The following PDE1C variants were observed in gnomAD, a reference collection of about 807,000 sequenced individuals.
The protein encoded by PDE1C is dual specificity calcium/calmodulin-dependent 3',5'-cyclic nucleotide phosphodiesterase 1C.
A neutral mutation model predicts 93.1 loss-of-function variants in PDE1C; 62 were observed. That is an observed-to-expected ratio of 0.67 (90% confidence interval 0.54 to 0.82). PDE1C has a LOEUF of 0.82. Ranked by LOEUF, PDE1C falls within the 40% of genes least tolerant of loss-of-function variation. The probability of loss-of-function intolerance (pLI) is 0.00; values close to 1 mark genes in which losing one functional copy is unlikely to be tolerated. For synonymous variants in PDE1C, 325 were observed against 310.1 expected (o/e 1.05, Z -0.50); for missense variants, 742 against 884.6 (o/e 0.84, Z 2.04).
chr7:31,968,282 T>C (rs1810348623), intron 2 of PDE1C, among the ~76,000 whole-genome samples: 1 of 152,126 alleles, frequency 6.6e-6, no homozygotes, highest in African/African-American at 2.4e-5. Context: ...AAAATCAATG[T>C]GCAAAAATCA....
intron 3 of PDE1C, among the ~76,000 whole-genome samples, chr7:32,101,078 T>C (rs751061552): frequency 1.3e-5 from 2 of 152,198 alleles, no homozygotes; most frequent in African/African-American, 2.4e-5. Flanking sequence ...CAGATCTAAA[T>C]TTGCTTGCCC....
intron 16 of PDE1C, among the ~76,000 whole-genome samples, chr7:31,776,527 G>A (rs531960598): frequency 1.3e-5 from 2 of 152,182 alleles, no homozygotes; most frequent in Non-Finnish European, 2.9e-5. Flanking sequence ...GCAGAATAAA[G>A]GGACAAAGGG....
intron 3 of PDE1C, among the ~76,000 whole-genome samples, chr7:32,138,298 T>C (rs1257831203): frequency 6.6e-6 from 1 of 152,170 alleles, no homozygotes; most frequent in Non-Finnish European, 1.5e-5. Context: ...AAAGTTGGGA[T>C]AATAAAATAA....
chr7:32,132,684 A>C (rs1314237598), intron 3 of PDE1C, among the ~76,000 whole-genome samples: 2 of 152,166 alleles, frequency 1.3e-5, no homozygotes, highest in African/African-American at 4.8e-5. Flanking sequence ...CAATGACAAT[A>C]AATAAAATAA....
intron 2 of PDE1C, among the ~76,000 whole-genome samples, chr7:32,175,721 C>T (rs187444316): frequency 2.0e-5 from 3 of 152,304 alleles, no homozygotes; most frequent in African/African-American, 4.8e-5. Flanking sequence ...TCCAATCCAT[C>T]GAAGTGTTTG....
intron 2 of PDE1C, among the ~76,000 whole-genome samples, chr7:31,983,237 T>G (rs746775264): frequency 5.3e-5 from 8 of 152,144 alleles, no homozygotes; most frequent in Non-Finnish European, 1.2e-4. Context: ...AACAATGAAG[T>G]TCTAATGCCT....
chr7:32,216,302 C>A (rs146869521), intron 1 of PDE1C, among the ~76,000 whole-genome samples: 15 of 152,246 alleles, frequency 9.9e-5, no homozygotes, highest in African/African-American at 3.4e-4. Flanking sequence ...TCCCCATCCC[C>A]CTATCCTAGT....
chr7:32,244,396 C>T (rs1808764049), intron 1 of PDE1C, among the ~76,000 whole-genome samples: 1 of 152,206 alleles, frequency 6.6e-6, no homozygotes, highest in African/African-American at 2.4e-5. Context: ...TTCAAGCACT[C>T]TCAGTATTCC....
chr7:32,227,669 C>T (rs1807393900), intron 1 of PDE1C, among the ~76,000 whole-genome samples: 1 of 152,182 alleles, frequency 6.6e-6, no homozygotes. Flanking sequence ...CCTATGTGCA[C>T]TCTTCCCACA....
chr7:32,208,605 G>A (rs1302945419), intron 2 of PDE1C, among the ~76,000 whole-genome samples: 1 of 152,172 alleles, frequency 6.6e-6, no homozygotes, highest in Non-Finnish European at 1.5e-5. Context: ...GAAAGCCAGT[G>A]AGGCAGTGAT....
intron 1 of PDE1C, among the ~76,000 whole-genome samples, chr7:32,234,827 C>G (rs1372116595): frequency 6.6e-6 from 1 of 151,878 alleles, no homozygotes; most frequent in East Asian, 1.9e-4. Context: ...AGAAAAACAA[C>G]CACAAGCTAA....
Position 31,941,378 on chromosome 7 carries a change from T to G in PDE1C, c.129-60518A>C, listed in dbSNP as rs571407876. ...CACAAACTCCAATGGTGCGAGACCC[T>G]CAGAAGTTGTACTAGATGATGACAG... On this transcript the variant is annotated intron_variant, in intron 2 of 17. Coordinates refer to ENST00000396191, the MANE Select transcript of PDE1C (RefSeq NM_001191057.4). 5 of 163,542 alleles carry G rather than the reference T, an allele frequency of 3.1e-5. No individual in the cohort carries two copies. The South Asian group carries it at 9.0e-4, about 29-fold the overall frequency. 10.1% of individuals were successfully genotyped at this position (163,542 alleles called of 1,614,324 possible).
At chr7:32,217,307 G>A (rs901981579) in intron 1 of PDE1C, among the ~76,000 whole-genome samples, 1 of 152,208 alleles carries the variant, frequency 6.6e-6, no homozygotes, top group African/African-American at 2.4e-5. Context: ...AGATTAGGTA[G>A]CTTGTCCAAA....
chr7:31,635,177 C>G, the PDE1C span, among the ~76,000 whole-genome samples: 1 of 152,142 alleles, frequency 6.6e-6, no homozygotes. Flanking sequence ...TAGGTGATTT[C>G]TCATCCTTTG....
the PDE1C span, among the ~76,000 whole-genome samples, chr7:31,713,063 A>G: frequency 6.6e-6 from 1 of 152,084 alleles, no homozygotes; most frequent in Admixed American, 6.5e-5. Flanking sequence ...CAGTCCCCCA[A>G]AGTCTTAGCT....
chr7:32,347,114 C>T (rs746404246), intron 1 of PDE1C, among the ~76,000 whole-genome samples: 1 of 152,058 alleles, frequency 6.6e-6, no homozygotes, highest in Non-Finnish European at 1.5e-5. Context: ...AAAAAGAATC[C>T]GTCTCACCTC....
chr7:32,029,192 A>G (rs1015690673), intron 2 of PDE1C, among the ~76,000 whole-genome samples: 7 of 152,138 alleles, frequency 4.6e-5, no homozygotes, highest in African/African-American at 1.4e-4. Context: ...CCACAATGAG[A>G]TATCATCTCA....
intron 1 of PDE1C, among the ~76,000 whole-genome samples, chr7:32,412,455 CA>C (rs34753013): frequency 0.054 from 4,616 of 85,388 alleles, 188 homozygotes; most frequent in African/African-American, 0.14. Flanking sequence ...GACCCTGTCT[CA>C]AAAAAAAAAA....
chr7:31,632,857 GATTTTT>G, the PDE1C span, among the ~76,000 whole-genome samples: 1 of 152,070 alleles, frequency 6.6e-6, no homozygotes, highest in East Asian at 1.9e-4. Context: ...GGTCTGGGGA[GATTTTT>G]ATTTTTATTT....
Sources: allele counts gnomAD v4.1 joint callset (sites outside exome capture counted in the v4.1 genomes callset), GRCh38; gene constraint gnomAD v4.1.1; transcripts MANE v1.5; gene names NCBI Gene and HGNC (gene_info 2026-07-23, HGNC 2026-07-21).